PTPRN2: variants seen among roughly 807,000 people sequenced by gnomAD.
PTPRN2 encodes the protein receptor-type tyrosine-protein phosphatase N2.
PTPRN2 carries 74 observed loss-of-function variants against 118.8 expected under a neutral mutation model. The ratio of observed to expected loss-of-function variants is 0.62; its 90% CI spans 0.52 to 0.76. PTPRN2 has a LOEUF of 0.76. PTPRN2 is among the 30% of genes least tolerant of loss of function. The probability of loss-of-function intolerance (pLI) is 0.00; values close to 1 mark genes in which losing one functional copy is unlikely to be tolerated. For synonymous variants in PTPRN2, 641 were observed against 608.0 expected, an observed-to-expected ratio of 1.05 and a Z score of -0.80; for missense variants, 1,481 against 1,394.4, an observed-to-expected ratio of 1.06 and a Z score of -0.99.
chr7:157,996,487 C>T (rs1369079430), intron 11 of PTPRN2, among the ~76,000 whole-genome samples: 1 of 152,220 alleles, frequency 6.6e-6, no homozygotes, highest in African/African-American at 2.4e-5. Context: ...CCAGTCAGTG[C>T]CAGGGGAGCT....
intron 2 of PTPRN2, among the ~76,000 whole-genome samples, chr7:158,406,117 G>A (rs1228694461): frequency 5.8e-5 from 5 of 86,276 alleles, no homozygotes; most frequent in Non-Finnish European, 9.5e-5. Context: ...CTGAGATCCC[G>A]GTGGCTCATC....
chr7:158,212,112 A>G (rs73176107), intron 3 of PTPRN2, among the ~76,000 whole-genome samples: 27,547 of 152,202 alleles, frequency 0.18, 2,679 homozygotes, highest in Non-Finnish European at 0.22. Context: ...TAAGCCAGAC[A>G]TAGAAAGACA....
intron 11 of PTPRN2, among the ~76,000 whole-genome samples, chr7:157,971,002 G>A (rs1802295207): frequency 1.3e-5 from 2 of 152,176 alleles, no homozygotes; most frequent in Admixed American, 1.3e-4. Context: ...AGTAAAGTCA[G>A]CTGAAATAAT....
chr7:157,952,538 A>AG (rs1369016601), intron 11 of PTPRN2, among the ~76,000 whole-genome samples: 3 of 151,904 alleles, frequency 2.0e-5, no homozygotes, highest in Non-Finnish European at 4.4e-5. Context: ...GGTAGGTGAT[A>AG]GGCTGGCTCC....
intron 2 of PTPRN2, among the ~76,000 whole-genome samples, chr7:158,387,821 C>T (rs558871344): frequency 2.0e-5 from 3 of 152,240 alleles, no homozygotes; most frequent in South Asian, 2.1e-4. Context: ...CTGTGGGATT[C>T]GGACAAGAGG....
Position 158,062,896 on chromosome 7 carries a change from C to A in PTPRN2, c.1723+18402G>T, listed in dbSNP as rs111526566. ...GTGCGGCCTGAGCCTCCCCGACAAG[C>A]GCCGCCCCCTGCTCCGCGGCGCCCA... On this transcript the variant is annotated intron_variant, in intron 11 of 22. Transcript: ENST00000389418. Among the ~76,000 whole-genome samples the A allele has an allele frequency of 9.8e-5, 15 of 152,330 alleles. 1 individual carries two copies. Among genetic ancestry groups the A allele is most frequent in the African/African-American group, 3.1e-4 (13 of 41,580 alleles).
intron 11 of PTPRN2, among the ~76,000 whole-genome samples, chr7:158,050,370 G>A (rs984344642): frequency 5.9e-5 from 9 of 151,896 alleles, no homozygotes; most frequent in Non-Finnish European, 1.2e-4. Context: ...CATTTCTTTG[G>A]CTCAGTGTCC....
Position 157,603,491 on chromosome 7 carries a change from CA to C in PTPRN2, c.2418+510del, listed in dbSNP as rs1801803740. Among the ~76,000 whole-genome samples the C allele has an allele frequency of 6.6e-6, 1 of 152,206 alleles. No homozygotes were observed. On this transcript the variant is annotated intron_variant, in intron 16 of 22. Coordinates refer to ENST00000389418, the MANE Select transcript of PTPRN2 (RefSeq NM_002847.5). This position sits in a 1 kb window ranked among gnomAD's most constrained non-coding sequence, Gnocchi z 5.4. The stretch of plus-strand genomic sequence containing the variant: ...ATCTCCACTGCACCTGCGTCTATCC[CA>C]GGGGGAGGAACAGCCAGCAAACGGT...
intron 11 of PTPRN2, among the ~76,000 whole-genome samples, chr7:158,071,385 G>GGTGATGGAGGTGCTCA (rs1563390887): frequency 5.0e-5 from 2 of 39,970 alleles, no homozygotes; most frequent in African/African-American, 9.7e-5. Context: ...GGAGGTGCTC[G>GGTGATGGAGGTGCTCA]TGGTGGAGGT....
intron 5 of PTPRN2, among the ~76,000 whole-genome samples, chr7:158,186,866 T>C (rs1434828807): frequency 6.6e-6 from 1 of 152,280 alleles, no homozygotes; most frequent in Non-Finnish European, 1.5e-5. Context: ...CTTTCCTTAA[T>C]CATTTCCTTA....
At chr7:158,414,088 A>C (rs73731224) in intron 2 of PTPRN2, among the ~76,000 whole-genome samples, 3 of 151,352 alleles carry the variant, frequency 2.0e-5, no homozygotes, top group South Asian at 2.1e-4. Context: ...AAAAAAAAAA[A>C]AAGGAAGCAA....
intron 12 of PTPRN2, among the ~76,000 whole-genome samples, chr7:157,803,911 CTTTTTG>C (rs1463482812): frequency 4.1e-4 from 62 of 152,238 alleles, no homozygotes; most frequent in Admixed American, 1.6e-3. Context: ...GTCAACTTTT[CTTTTTG>C]GTGTAATTTC....
chr7:157,628,522 T>C (rs940698211), intron 14 of PTPRN2, among the ~76,000 whole-genome samples: 1 of 152,232 alleles, frequency 6.6e-6, no homozygotes, highest in African/African-American at 2.4e-5. Context: ...CTTAACAGTC[T>C]TACACAGAAC....
At chr7:157,545,097 TG>T (rs1798227223) in intron 22 of PTPRN2, among the ~76,000 whole-genome samples, 1 of 144,028 alleles carries the variant, frequency 6.9e-6, no homozygotes, top group African/African-American at 2.6e-5. Flanking sequence ...GTGCACCCCG[TG>T]GGTGGGTGTG....
chr7:157,721,986 C>A (rs763540773), intron 12 of PTPRN2, among the ~76,000 whole-genome samples: 63 of 152,242 alleles, frequency 4.1e-4, no homozygotes, highest in Non-Finnish European at 7.8e-4. Flanking sequence ...CTGTGCGCAG[C>A]CTGACATGTG....
intron 12 of PTPRN2, among the ~76,000 whole-genome samples, chr7:157,847,471 C>T (rs1280819811): frequency 7.4e-4 from 73 of 98,562 alleles, no homozygotes; most frequent in African/African-American, 2.1e-3. Flanking sequence ...CTCCATCATG[C>T]GTGCCCGATG....
chr7:158,400,109 T>C (rs1173206629), intron 2 of PTPRN2, among the ~76,000 whole-genome samples: 1 of 152,186 alleles, frequency 6.6e-6, no homozygotes, highest in African/African-American at 2.4e-5. Flanking sequence ...TGCCTTTATG[T>C]CATCGTTAAA....
rs1035740292 is a variant in PTPRN2, at chr7:158,003,450, G to T, written c.1723+77848C>A. Among the ~76,000 whole-genome samples the T allele has an allele frequency of 6.6e-6, 1 of 151,008 alleles. No individual in the cohort carries two copies. The highest frequency in any genetic ancestry group is 2.4e-5 in the African/African-American group (1 of 41,032). ...AAAAAAAAAATGAGGTCCTGAGGGG[G>T]CCCCAATCCAATAGGACCTGTGTTC... On this transcript the variant is annotated intron_variant, in intron 11 of 22. Transcript: ENST00000389418. This position sits in a 1 kb window ranked among gnomAD's most constrained non-coding sequence, Gnocchi z 5.0.
chr7:157,846,979 C>G (rs1808867409), intron 12 of PTPRN2, among the ~76,000 whole-genome samples: 1 of 150,800 alleles, frequency 6.6e-6, no homozygotes, highest in Non-Finnish European at 1.5e-5. Context: ...AGCCCTCTCT[C>G]ACTCCTTCAT....
Sources: allele counts gnomAD v4.1 joint callset (sites outside exome capture counted in the v4.1 genomes callset), GRCh38; gene constraint gnomAD v4.1.1; non-coding constraint Gnocchi (gnomAD v3.1); transcripts MANE v1.5; gene names NCBI Gene and HGNC (gene_info 2026-07-23, HGNC 2026-07-21).